GRIP1: variants seen among roughly 807,000 people sequenced by gnomAD.
GRIP1 encodes the protein glutamate receptor interacting protein 1.
A neutral mutation model predicts 129.9 loss-of-function variants in GRIP1; 45 were observed. The observed-to-expected ratio is 0.35, with a 90% CI of 0.27 to 0.44. The LOEUF is 0.44. Among genes scored for constraint, GRIP1 ranks in the 20% least tolerant of loss-of-function variants. GRIP1 has a pLI of 1.00. For missense variants in GRIP1, 1,196 were observed against 1,396.8 expected, an observed-to-expected ratio of 0.86 and a Z score of 2.29; for synonymous variants, 530 against 520.8, an observed-to-expected ratio of 1.02 and a Z score of -0.24.
At position 66,347,483 on chromosome 12, in the gene GRIP1, G is replaced by T. The variant is rs1004071206; in HGVS notation, c.*1536C>A. On this transcript the variant is annotated 3_prime_UTR_variant, in exon 25 of 25. Transcript: ENST00000359742. ...TTAAAATCACTGTTTATTCCATTTG[G>T]TAGAGGGTTTTATTTTTTTCCATAC... 3.9e-5 allele frequency: 6 copies of T among 152,054 alleles called. No homozygotes were observed. The highest frequency in any genetic ancestry group is 7.4e-5 in the Non-Finnish European group (5 of 68,018). The allele number at this position is 152,054 out of a possible 1,614,324, so 9.4% of individuals were successfully genotyped here.
At chr12:66,969,439 A>G (rs531628851) in intron 1 of GRIP1, among the ~76,000 whole-genome samples, 5 of 152,096 alleles carry the variant, frequency 3.3e-5, no homozygotes, top group South Asian at 4.2e-4. Context: ...ACACAGTCTC[A>G]CTCTATCAAG....
intron 1 of GRIP1, among the ~76,000 whole-genome samples, chr12:66,627,226 T>G (rs2030189041): frequency 6.6e-6 from 1 of 152,212 alleles, no homozygotes; most frequent in Non-Finnish European, 1.5e-5. Context: ...AAGATGTTTC[T>G]GTACTGCTAA....
At chr12:67,017,428 A>C (rs1182292398) in intron 1 of GRIP1, among the ~76,000 whole-genome samples, 2 of 152,110 alleles carry the variant, frequency 1.3e-5, no homozygotes, top group Non-Finnish European at 2.9e-5. Context: ...TGGGTGGAGA[A>C]TTAGGAAGAG....
chr12:67,043,608 G>A (rs1008961587), intron 1 of GRIP1, among the ~76,000 whole-genome samples: 16 of 151,728 alleles, frequency 1.1e-4, no homozygotes, highest in African/African-American at 3.9e-4. Flanking sequence ...TTTCTTCTAC[G>A]CCCCCCATTC....
At chr12:66,993,542 G>A (rs1400741616) in intron 1 of GRIP1, among the ~76,000 whole-genome samples, 1 of 151,916 alleles carries the variant, frequency 6.6e-6, no homozygotes, top group Non-Finnish European at 1.5e-5. Context: ...TGTAATCCCA[G>A]CACTTTAGGA....
intron 15 of GRIP1, among the ~76,000 whole-genome samples, chr12:66,411,758 C>T (rs2057411066): frequency 1.3e-5 from 2 of 152,138 alleles, no homozygotes; most frequent in Non-Finnish European, 2.9e-5. Context: ...GAGCTGATGA[C>T]CAGAATAGCC....
chr12:66,624,272 G>C (rs1222526507), intron 1 of GRIP1, among the ~76,000 whole-genome samples: 1 of 152,062 alleles, frequency 6.6e-6, no homozygotes, highest in Non-Finnish European at 1.5e-5. Flanking sequence ...ACAGAGATCA[G>C]CACCATTAAT....
At chr12:66,855,478 C>G (rs181567203) in intron 1 of GRIP1, among the ~76,000 whole-genome samples, 3 of 151,818 alleles carry the variant, frequency 2.0e-5, no homozygotes, top group Non-Finnish European at 2.9e-5. Context: ...GACTTGGGGC[C>G]CTTGCATCCA....
intron 1 of GRIP1, among the ~76,000 whole-genome samples, chr12:67,043,722 A>T (rs2135821729): frequency 6.6e-6 from 1 of 152,292 alleles, no homozygotes; most frequent in East Asian, 1.9e-4. Flanking sequence ...GGCCAGAGAA[A>T]AACCCCATAA....
chr12:66,883,596 G>GTTCC (rs1048994286), intron 1 of GRIP1, among the ~76,000 whole-genome samples: 7 of 152,138 alleles, frequency 4.6e-5, no homozygotes, highest in African/African-American at 1.7e-4. Flanking sequence ...GGACCCCCAG[G>GTTCC]TTCCTCCTTT....
chr12:66,827,823 T>C (rs1433562324), intron 1 of GRIP1, among the ~76,000 whole-genome samples: 3 of 152,240 alleles, frequency 2.0e-5, no homozygotes, highest in Non-Finnish European at 4.4e-5. Flanking sequence ...TAGATAGACA[T>C]GTGTCTATAA....
chr12:66,406,243 A>T, intron 16 of GRIP1, 40 bp downstream of exon 16: 1 of 1,599,326 alleles, frequency 6.3e-7, no homozygotes, highest in Non-Finnish European at 8.6e-7. Context: ...ACAGATGGGC[A>T]GTTCGAAAAA....
intron 15 of GRIP1, among the ~76,000 whole-genome samples, chr12:66,420,513 C>G (rs371196016): frequency 6.7e-6 from 1 of 148,862 alleles, no homozygotes; most frequent in East Asian, 2.0e-4. Flanking sequence ...ATGTTTTCAG[C>G]TGTGCAGAAA....
chr12:66,353,126 C>T (rs2054314108), intron 24 of GRIP1, among the ~76,000 whole-genome samples: 2 of 151,950 alleles, frequency 1.3e-5, no homozygotes, highest in Admixed American at 1.3e-4. Context: ...GACTACTGTG[C>T]GATGGTGGGA....
intron 4 of GRIP1, 111 bp from the exon 5 acceptor site, chr12:66,530,025 G>A (rs1592496755): frequency 1.4e-6 from 1 of 723,902 alleles, no homozygotes; most frequent in East Asian, 2.6e-5. Flanking sequence ...TAAGTTTTGA[G>A]TAATAAGCAA....
intron 1 of GRIP1, among the ~76,000 whole-genome samples, chr12:66,887,673 T>G (rs1347144465): frequency 1.3e-5 from 2 of 152,250 alleles, no homozygotes; most frequent in African/African-American, 4.8e-5. Context: ...ATTTCTATTC[T>G]AAAATACAAA....
chr12:66,882,133 G>C (rs968576553), intron 1 of GRIP1, among the ~76,000 whole-genome samples: 1 of 148,878 alleles, frequency 6.7e-6, no homozygotes, highest in Non-Finnish European at 1.5e-5. Flanking sequence ...TGGTTCCTCT[G>C]TCATTAAACA....
chr12:66,532,447 TAC>T (rs936451148), intron 4 of GRIP1, among the ~76,000 whole-genome samples: 7 of 152,332 alleles, frequency 4.6e-5, no homozygotes, highest in South Asian at 4.1e-4. Context: ...CATGTACTTC[TAC>T]ACAGTTATTT....
At chr12:66,581,736 C>G (rs1200642695) in intron 2 of GRIP1, among the ~76,000 whole-genome samples, 3 of 152,112 alleles carry the variant, frequency 2.0e-5, no homozygotes, top group African/African-American at 4.8e-5. Context: ...AGACCAATAA[C>G]AGGAGCTGAA....
Sources: allele counts gnomAD v4.1 joint callset (sites outside exome capture counted in the v4.1 genomes callset), GRCh38; gene constraint gnomAD v4.1.1; transcripts MANE v1.5; gene names NCBI Gene and HGNC (gene_info 2026-07-23, HGNC 2026-07-21).